ABAT: variants seen among roughly 807,000 people sequenced by gnomAD.
ABAT encodes the protein 4-aminobutyrate aminotransferase, mitochondrial.
In ABAT, 45 loss-of-function variants were observed where a neutral mutation model predicts 64.6. The observed-to-expected ratio is 0.70, with a 90% CI of 0.55 to 0.89. The LOEUF is 0.89. Among genes scored for constraint, ABAT ranks in the 40% least tolerant of loss-of-function variants. ABAT has a pLI of 0.00. For missense variants in ABAT, 633 were observed against 658.4 expected (o/e 0.96, Z 0.42); for synonymous variants, 297 against 250.5 (o/e 1.19, Z -1.75).
At chr16:8,733,240 C>G (rs948099802) in intron 1 of ABAT, among the ~76,000 whole-genome samples, 2 of 151,020 alleles carry the variant, frequency 1.3e-5, no homozygotes, top group East Asian at 1.9e-4. Flanking sequence ...ACGGGGCGGC[C>G]GGGCAGAGAC....
intron 13 of ABAT, 33 bp downstream of exon 13, chr16:8,775,090 G>T (rs768916478): frequency 1.9e-6 from 3 of 1,613,778 alleles, no homozygotes; most frequent in South Asian, 1.1e-5. Flanking sequence ...TCTACATCCA[G>T]GGCAGAGAAG....
intron 6 of ABAT, among the ~76,000 whole-genome samples, chr16:8,763,174 C>A (rs933443595): frequency 4.6e-5 from 7 of 150,862 alleles, no homozygotes; most frequent in Non-Finnish European, 1.0e-4. Context: ...TGAGCATTTT[C>A]GGGCAGAGGC....
rs145493136 is a variant in ABAT at position 8,735,869 on chromosome 16, G to A, written c.70+60G>A. 3,453 of 1,458,416 alleles carry A rather than the reference G, an allele frequency of 2.4e-3. 85 individuals carry two copies. The African/African-American group carries it at 0.044, about 18-fold the overall frequency. The allele number at this position is 1,458,416 out of a possible 1,614,324, so 90.3% of individuals were successfully genotyped here. A position where few individuals can be genotyped will look rare whatever the true frequency, so the allele number is the denominator to read the frequency against. On this transcript the variant is annotated intron_variant, in intron 2 of 15. Transcript: ENST00000268251. Reference sequence around the variant, plus strand: ...AATGGAAGATACCATCCAGACTAGGGATTCCTGGGCTGGAAGAGCCCTTGG... The same window carrying A: ...AATGGAAGATACCATCCAGACTAGGAATTCCTGGGCTGGAAGAGCCCTTGG...
intron 1 of ABAT, among the ~76,000 whole-genome samples, chr16:8,731,032 G>A (rs531502307): frequency 2.0e-5 from 3 of 151,702 alleles, no homozygotes; most frequent in South Asian, 2.1e-4. Context: ...GTGTGATCTT[G>A]GCTCACTGCC....
rs377342959 is a variant in ABAT, at chr16:8,738,016, G to GAAAGAAAGAAAGAAAGAAAGAAA, written c.70+2207_70+2208insAAAGAAAGAAAGAAAGAAAGAAA. ...GGAAAGAAAGAAAGAAAGAAAGAAA[G>GAAAGAAAGAAAGAAAGAAAGAAA]GAAAGAAAGAAAGAAGGACAGACAG... On this transcript the variant is annotated intron_variant, in intron 2 of 15. Transcript: ENST00000268251. Among the ~76,000 whole-genome samples, 57 of 57,734 alleles carry GAAAGAAAGAAAGAAAGAAAGAAA rather than the reference G, an allele frequency of 9.9e-4. 4 individuals are homozygous for GAAAGAAAGAAAGAAAGAAAGAAA. Among genetic ancestry groups the GAAAGAAAGAAAGAAAGAAAGAAA allele is most frequent in the Middle Eastern group, 0.017 (2 of 116 alleles). The allele number at this position is 57,734 out of a possible 152,430, so 37.9% of individuals were successfully genotyped here.
chr16:8,764,843 G>T lies in ABAT; in HGVS notation c.540+13G>T. The T allele has an allele frequency of 6.5e-7, 1 of 1,532,518 alleles. No homozygotes were observed. 94.9% of individuals were successfully genotyped at this position (1,532,518 alleles called of 1,614,324 possible). A position where few individuals can be genotyped will look rare whatever the true frequency, so the allele number is the denominator to read the frequency against. On this transcript the variant is annotated intron_variant, in intron 8 of 15. Coordinates refer to ENST00000268251, the MANE Select transcript of ABAT (RefSeq NM_020686.6). This position sits in a 1 kb window ranked among gnomAD's most constrained non-coding sequence, Gnocchi z 4.2. ...CATGTGGTACCGGGTGAGGTTTGGG[G>T]CACACACACACACACACACACAGGC...
At chr16:8,734,519 CTG>C (rs1386759087) in intron 1 of ABAT, among the ~76,000 whole-genome samples, 1 of 152,202 alleles carries the variant, frequency 6.6e-6, no homozygotes, top group African/African-American at 2.4e-5. Flanking sequence ...CTTAACCTCT[CTG>C]TGCCTCAATT....
intron 5 of ABAT, among the ~76,000 whole-genome samples, chr16:8,754,692 TTC>T (rs1344683209): frequency 1.5e-4 from 10 of 67,728 alleles, no homozygotes; most frequent in Admixed American, 1.3e-3. Flanking sequence ...CTTTCTTTCT[TTC>T]TTTCTTTCTT....
Position 8,738,616 on chromosome 16 carries a change from G to GTTTTTTTTTTTTTTT in ABAT, c.70+2812_70+2813insTTTTTTTTTTTTTTT, listed in dbSNP as rs772511380. 1.4e-4 allele frequency among the ~76,000 whole-genome samples: 16 copies of GTTTTTTTTTTTTTTT among 117,632 alleles called. 3 individuals are homozygous for GTTTTTTTTTTTTTTT. The highest frequency in any genetic ancestry group is 1.3e-3 in the East Asian group (5 of 3,736). 77.2% of individuals were successfully genotyped at this position (117,632 alleles called of 152,430 possible). On this transcript the variant is annotated intron_variant, in intron 2 of 15. Coordinates refer to ENST00000268251, the MANE Select transcript of ABAT (RefSeq NM_020686.6). ...TTTTTTCTTTTTTGTTTTTGTTTTT[G>GTTTTTTTTTTTTTTT]TTTTTGTTTTTGTTTTTTTTTTGGT... is the stretch of plus-strand genomic sequence containing the variant.
chr16:8,722,839 C>T (rs1333406162), intron 1 of ABAT: 14 of 1,289,108 alleles, frequency 1.1e-5, no homozygotes, highest in South Asian at 2.5e-5. Flanking sequence ...AATGCAACTT[C>T]GAGGTAGGAG....
chr16:8,713,846 G>A (rs1296695343), intron 1 of ABAT: 3 of 456,062 alleles, frequency 6.6e-6, no homozygotes, highest in Non-Finnish European at 1.3e-5. Flanking sequence ...CTCGCCGCAG[G>A]ACTCCGACTA....
chr16:8,685,954 C>T (rs1412740994), intron 1 of ABAT, among the ~76,000 whole-genome samples: 1 of 152,180 alleles, frequency 6.6e-6, no homozygotes. Flanking sequence ...TAGACAGACA[C>T]CTTCTCCCAC....
intron 1 of ABAT, among the ~76,000 whole-genome samples, chr16:8,691,604 A>T (rs1273361): frequency 0.39 from 59,235 of 151,976 alleles, 11,870 homozygotes; most frequent in East Asian, 0.62. Context: ...CACACTCGGC[A>T]ACATTTTTGT....
At chr16:8,780,761 T>C (rs1267898044) in intron 15 of ABAT, 155 of 163,000 alleles carry the variant, frequency 9.5e-4, no homozygotes, top group Middle Eastern at 2.7e-3. Flanking sequence ...AGACTCCATC[T>C]CTAAAAAAAA....
intron 5 of ABAT, chr16:8,757,229 G>A (rs769935748): frequency 2.9e-5 from 13 of 447,988 alleles, no homozygotes; most frequent in South Asian, 8.0e-5. Flanking sequence ...GTGCAGTGGC[G>A]TGATCTCAAC....
chr16:8,747,555 T>C (rs1352923171), intron 3 of ABAT, among the ~76,000 whole-genome samples: 1 of 152,206 alleles, frequency 6.6e-6, no homozygotes, highest in Non-Finnish European at 1.5e-5. Flanking sequence ...ATTGGAAATA[T>C]ATAATTTTAT....
intron 12 of ABAT, 119 bp downstream of exon 12, chr16:8,773,036 G>GCTGT (rs1323247745): frequency 7.4e-7 from 1 of 1,355,230 alleles, no homozygotes; most frequent in African/African-American, 1.5e-5. Context: ...ACTTGCAGAG[G>GCTGT]CTGTCTGTCA....
At chr16:8,698,673 G>A (rs151227705) in intron 1 of ABAT, among the ~76,000 whole-genome samples, 3,326 of 152,244 alleles carry the variant, frequency 0.022, 110 homozygotes, top group African/African-American at 0.075. Context: ...GGCAGGGCAC[G>A]GTGGCTTATG....
chr16:8,735,947 C>G lies in ABAT; in HGVS notation c.70+138C>G. ...TCTGGGACTGTCCCACTGTATTAGT[C>G]TGTTCTCATGCTGCTAATAAAGGTA... On this transcript the variant is annotated intron_variant, in intron 2 of 15. Coordinates refer to ENST00000268251, the MANE Select transcript of ABAT (RefSeq NM_020686.6). 5.4e-6 allele frequency: 4 copies of G among 738,618 alleles called. No individual in the cohort carries two copies. The South Asian group carries it at 6.1e-5, about 11-fold the overall frequency. 45.8% of individuals were successfully genotyped at this position (738,618 alleles called of 1,614,324 possible). A position where few individuals can be genotyped will look rare whatever the true frequency, so the allele number is the denominator to read the frequency against.
Sources: gnomAD v4.1 joint callset for allele counts (sites outside exome capture counted in the v4.1 genomes callset) on GRCh38, gnomAD v4.1.1 for gene constraint, Gnocchi (gnomAD v3.1) non-coding constraint, MANE v1.5 for transcripts, NCBI Gene and HGNC (gene_info 2026-07-23, HGNC 2026-07-21) for gene names.